Variants in TTC23L observed in about 807,000 individuals in gnomAD.
TTC23L encodes tetratricopeptide repeat protein 23-like.
In TTC23L, 42 loss-of-function variants were observed where a neutral mutation model predicts 48.1. That is an observed-to-expected ratio of 0.87 (90% confidence interval 0.68 to 1.13). The LOEUF (loss-of-function observed/expected upper bound fraction) is 1.13. Ranked by LOEUF, TTC23L falls within the 50% of genes most tolerant of loss-of-function variation. The probability of loss-of-function intolerance (pLI) is 0.00; values close to 1 mark genes in which losing one functional copy is unlikely to be tolerated. For synonymous variants in TTC23L, 159 were observed against 157.2 expected (o/e 1.01, Z -0.09); for missense variants, 391 against 421.0 (o/e 0.93, Z 0.62).
the TTC23L span, chr5:34,918,397 T>C: frequency 6.3e-7 from 1 of 1,592,490 alleles, no homozygotes; most frequent in South Asian, 1.1e-5. Flanking sequence ...GATTCTCATC[T>C]TTTCTTCCAG....
chr5:34,856,586 G>A (rs1760146618), intron 4 of TTC23L, among the ~76,000 whole-genome samples: 1 of 152,214 alleles, frequency 6.6e-6, no homozygotes, highest in Admixed American at 6.5e-5. Flanking sequence ...TGGAAGCCAA[G>A]GTTGAAGTAA....
the TTC23L span, chr5:34,915,477 G>C: frequency 2.4e-6 from 1 of 408,644 alleles, no homozygotes; most frequent in Non-Finnish European, 4.4e-6. Flanking sequence ...AGAGGAGCGA[G>C]GCGGCTCCGA....
chr5:34,864,457 A>G, exon 6 of TTC23L: 2 of 1,613,770 alleles, frequency 1.2e-6, no homozygotes, highest in Non-Finnish European at 1.7e-6. Context: ...GCCTATTTCA[A>G]CCTGCAGAAG....
chr5:34,901,137 T>C (rs1763499220), downstream of TTC23L, among the ~76,000 whole-genome samples: 1 of 152,198 alleles, frequency 6.6e-6, no homozygotes, highest in Non-Finnish European at 1.5e-5. Flanking sequence ...AGTATATACA[T>C]ATATTTTATG....
chr5:34,905,418 A>C, the TTC23L span: 1 of 152,174 alleles, frequency 6.6e-6, no homozygotes, highest in African/African-American at 2.4e-5. Flanking sequence ...ATTAATTTTT[A>C]CTAGGACTTT....
At chr5:34,865,791 C>G (rs1403452864) in intron 6 of TTC23L, among the ~76,000 whole-genome samples, 1 of 152,210 alleles carries the variant, frequency 6.6e-6, no homozygotes, top group Non-Finnish European at 1.5e-5. Flanking sequence ...CCTTGAACTC[C>G]TGGGCTCAGC....
exon 3 of TTC23L, chr5:34,845,558 G>A (rs1278740587): frequency 1.9e-6 from 3 of 1,613,958 alleles, no homozygotes; most frequent in Non-Finnish European, 2.5e-6. Context: ...TGTGGAGAGA[G>A]TGAAGAGGAA....
At chr5:34,888,601 C>T (rs1762674548) in intron 9 of TTC23L, 2 of 801,928 alleles carry the variant, frequency 2.5e-6, no homozygotes, top group South Asian at 5.7e-5. Flanking sequence ...CATGGCCTCT[C>T]CCAGTTCAAC....
rs1046049011 is a variant in TTC23L at position 34,861,917 on chromosome 5, A to C, written c.380-981A>C. On this transcript the variant is annotated intron_variant, in intron 4 of 10. Coordinates refer to ENST00000505624, the Ensembl canonical transcript of TTC23L. ...TGTTGACTGGACAAATAGCAGCTTGAGTAAGTGCCCAGGAACACCAGCAAA... is the reference window on the plus strand; with the variant it reads ...TGTTGACTGGACAAATAGCAGCTTGCGTAAGTGCCCAGGAACACCAGCAAA... Among the ~76,000 whole-genome samples, 6 of 152,252 alleles carry C rather than the reference A, an allele frequency of 3.9e-5. No individual in the cohort carries two copies. The East Asian group carries it at 5.8e-4, about 15-fold the overall frequency.
the TTC23L span, chr5:34,922,206 G>A: frequency 6.7e-7 from 1 of 1,487,588 alleles, no homozygotes; most frequent in Non-Finnish European, 9.2e-7. Context: ...CCTATACTTT[G>A]CTTCCTTTAG....
At chr5:34,896,827 T>G in exon 10 of TTC23L, 1 of 745,180 alleles carries the variant, frequency 1.3e-6, no homozygotes, top group Admixed American at 1.9e-5. Flanking sequence ...GAAGGAACTC[T>G]ACATACAAAG....
At chr5:34,888,108 A>T (rs1762647080) in intron 9 of TTC23L, among the ~76,000 whole-genome samples, 1 of 152,108 alleles carries the variant, frequency 6.6e-6, no homozygotes, top group South Asian at 2.1e-4. Flanking sequence ...TTTAAAAGAG[A>T]CCTCAAAGAG....
chr5:34,879,725 C>T (rs547016478), intron 8 of TTC23L, among the ~76,000 whole-genome samples: 60 of 152,142 alleles, frequency 3.9e-4, no homozygotes, highest in Admixed American at 3.5e-3. Context: ...GGGCTCGGTG[C>T]GGTGGCTCAT....
At chr5:34,907,606 T>C in the TTC23L span, 2 of 152,190 alleles carry the variant, frequency 1.3e-5, no homozygotes, top group South Asian at 4.1e-4. Flanking sequence ...ATAACTGGTT[T>C]TCTACACCTT....
At chr5:34,908,880 G>C in the TTC23L span, 7 of 1,612,780 alleles carry the variant, frequency 4.3e-6, no homozygotes, top group East Asian at 1.6e-4. Flanking sequence ...TCTGTTATCT[G>C]TCCGAATAGA....
intron 4 of TTC23L, among the ~76,000 whole-genome samples, chr5:34,850,852 T>C (rs1310417149): frequency 1.3e-5 from 2 of 152,190 alleles, no homozygotes; most frequent in South Asian, 2.1e-4. Flanking sequence ...TTGCTAAAAC[T>C]GAACCCAAGT....
chr5:34,850,061 A>G, intron 3 of TTC23L, 124 bp from the exon 4 acceptor site: 2 of 1,128,714 alleles, frequency 1.8e-6, no homozygotes, highest in Non-Finnish European at 1.3e-6. Context: ...TAGACACAGG[A>G]TGAGAAGGAA....
intron 9 of TTC23L, among the ~76,000 whole-genome samples, chr5:34,887,518 G>A (rs191795635): frequency 1.2e-3 from 180 of 152,150 alleles, no homozygotes; most frequent in African/African-American, 4.2e-3. Context: ...CAACACAGTA[G>A]GAAACAAAAC....
At chr5:34,902,162 G>A (rs1336164736), downstream of TTC23L, among the ~76,000 whole-genome samples, 1 of 152,154 alleles carries the variant, frequency 6.6e-6, no homozygotes. Flanking sequence ...GGTGGCTTAA[G>A]CCTGTAATCC....
Sources: allele counts gnomAD v4.1 joint callset (sites outside exome capture counted in the v4.1 genomes callset), GRCh38; gene constraint gnomAD v4.1.1; transcripts MANE v1.5; gene names NCBI Gene and HGNC (gene_info 2026-07-23, HGNC 2026-07-21).